Variants in LAMA2 observed in about 807,000 individuals in gnomAD.
LAMA2 encodes laminin subunit alpha-2.
LAMA2 carries 269 observed loss-of-function variants against 364.8 expected under a neutral mutation model. The observed-to-expected ratio is 0.74, with a 90% confidence interval of 0.67 to 0.82. The LOEUF (loss-of-function observed/expected upper bound fraction) is 0.82, where lower values mean the gene tolerates loss of function less well. Among genes scored for constraint, LAMA2 ranks in the 40% least tolerant of loss-of-function variants. The probability of loss-of-function intolerance (pLI) is 0.00; values close to 1 mark genes in which losing one functional copy is unlikely to be tolerated. For missense variants in LAMA2, 3,807 were observed against 3,873.2 expected (o/e 0.98, Z 0.45); for synonymous variants, 1,379 against 1,370.6 (o/e 1.01, Z -0.14).
intron 37 of LAMA2, among the ~76,000 whole-genome samples, chr6:129,400,643 A>G (rs915654164): frequency 1.3e-5 from 2 of 152,220 alleles, no homozygotes; most frequent in African/African-American, 4.8e-5. Flanking sequence ...GCCAGGATTG[A>G]GTTTCATGTA....
chr6:128,902,825 G>T (rs1399175043), intron 1 of LAMA2, among the ~76,000 whole-genome samples: 1 of 152,042 alleles, frequency 6.6e-6, no homozygotes, highest in Non-Finnish European at 1.5e-5. Context: ...AACACCCAAT[G>T]TTTTCTTGAT....
chr6:128,920,522 C>T (rs1480307345), intron 1 of LAMA2, among the ~76,000 whole-genome samples: 3 of 152,114 alleles, frequency 2.0e-5, no homozygotes, highest in African/African-American at 4.8e-5. Context: ...TTGAATTTTC[C>T]TATTTCTGTA....
intron 30 of LAMA2, among the ~76,000 whole-genome samples, chr6:129,343,878 A>T (rs73776958): frequency 0.012 from 1,790 of 152,276 alleles, 28 homozygotes; most frequent in African/African-American, 0.041. Context: ...TAATTTCAGG[A>T]TTTTCACTGG....
intron 4 of LAMA2, among the ~76,000 whole-genome samples, chr6:129,113,259 T>C (rs1050706671): frequency 2.0e-5 from 3 of 152,062 alleles, no homozygotes; most frequent in African/African-American, 7.2e-5. Flanking sequence ...TTTTTGTAAA[T>C]CTTTCCATTG....
At chr6:129,038,030 T>G (rs1379183127) in intron 1 of LAMA2, among the ~76,000 whole-genome samples, 1 of 152,184 alleles carries the variant, frequency 6.6e-6, no homozygotes, top group African/African-American at 2.4e-5. Context: ...GTGAGCTAGA[T>G]AGAGGTCATT....
At chr6:128,964,211 G>A (rs944252478) in intron 1 of LAMA2, among the ~76,000 whole-genome samples, 1 of 152,096 alleles carries the variant, frequency 6.6e-6, no homozygotes, top group South Asian at 2.1e-4. Flanking sequence ...AAAAAAATCT[G>A]CATTTTATGT....
intron 12 of LAMA2, among the ~76,000 whole-genome samples, chr6:129,240,967 G>C (rs1785358815): frequency 6.6e-6 from 1 of 152,090 alleles, no homozygotes; most frequent in Admixed American, 6.5e-5. Context: ...ATGCATTTGT[G>C]GTTCACCAGT....
intron 41 of LAMA2, among the ~76,000 whole-genome samples, chr6:129,431,469 C>A (rs1481507377): frequency 6.6e-6 from 1 of 151,612 alleles, no homozygotes; most frequent in African/African-American, 2.4e-5. Context: ...GACCTATTCC[C>A]TGGAGATCTA....
intron 56 of LAMA2, chr6:129,490,559 T>A (rs969392649): frequency 5.3e-5 from 8 of 152,180 alleles, no homozygotes; most frequent in African/African-American, 1.9e-4. Flanking sequence ...GCTTATATCC[T>A]TCATTAAAAC....
At chr6:129,008,786 G>T (rs921830538) in intron 1 of LAMA2, among the ~76,000 whole-genome samples, 2 of 152,156 alleles carry the variant, frequency 1.3e-5, no homozygotes, top group African/African-American at 4.8e-5. Context: ...ACTTTGGCAG[G>T]ACGAGAGATT....
chr6:129,213,555 T>G (rs1783235508), intron 12 of LAMA2, among the ~76,000 whole-genome samples: 2 of 152,232 alleles, frequency 1.3e-5, no homozygotes, highest in Admixed American at 1.3e-4. Flanking sequence ...GTCAATGTTT[T>G]AGACATCAGC....
At chr6:129,365,160 AAT>A (rs1334464376) in intron 32 of LAMA2, among the ~76,000 whole-genome samples, 1 of 152,148 alleles carries the variant, frequency 6.6e-6, no homozygotes, top group Non-Finnish European at 1.5e-5. Flanking sequence ...CTACTTAAAG[AAT>A]ATAGTTTTTC....
In LAMA2 at chr6:129,402,496, T is replaced by C; in HGVS notation, c.5726+9T>C. ...TCTGCTGTCCTTGATGGGTATGTCATTTGTTTTTGGAAATGTTTGTGTATT... is the reference window on the plus strand; with the variant it reads ...TCTGCTGTCCTTGATGGGTATGTCACTTGTTTTTGGAAATGTTTGTGTATT... On this transcript the variant is annotated intron_variant, in intron 39 of 64. Transcript: ENST00000421865. 1 of 1,613,904 alleles carries C rather than the reference T, an allele frequency of 6.2e-7. No homozygotes were observed. The highest frequency in any genetic ancestry group is 8.5e-7 in the Non-Finnish European group (1 of 1,179,782).
intron 1 of LAMA2, among the ~76,000 whole-genome samples, chr6:128,892,489 TTATAA>T (rs1208066471): frequency 2.0e-5 from 3 of 152,122 alleles, no homozygotes; most frequent in East Asian, 3.9e-4. Context: ...TCTTTAATAC[TTATAA>T]TATGTTTAGA....
At chr6:128,943,756 A>C (rs1183498198) in intron 1 of LAMA2, among the ~76,000 whole-genome samples, 2 of 152,232 alleles carry the variant, frequency 1.3e-5, no homozygotes, top group Non-Finnish European at 2.9e-5. Context: ...ATTATTTGGC[A>C]CAGATGAAGA....
chr6:129,044,847 C>T (rs930045453), intron 1 of LAMA2, among the ~76,000 whole-genome samples: 1 of 152,006 alleles, frequency 6.6e-6, no homozygotes, highest in Non-Finnish European at 1.5e-5. Flanking sequence ...GGTTCATCAG[C>T]TATTTATAGT....
At chr6:129,298,039 A>T (rs1454417368) in intron 21 of LAMA2, among the ~76,000 whole-genome samples, 174 bp downstream of exon 21, 1 of 36,760 alleles carries the variant, frequency 2.7e-5, no homozygotes, top group Non-Finnish European at 4.7e-5. Context: ...TCAGTTTGAA[A>T]CACTGCCTTA....
At chr6:129,429,348 G>A (rs1781479886) in intron 41 of LAMA2, among the ~76,000 whole-genome samples, 1 of 152,120 alleles carries the variant, frequency 6.6e-6, no homozygotes, top group African/African-American at 2.4e-5. Context: ...TGCTAACTGT[G>A]TATTTCTAGT....
At chr6:129,173,049 C>T (rs561739334) in intron 9 of LAMA2, among the ~76,000 whole-genome samples, 3 of 152,322 alleles carry the variant, frequency 2.0e-5, no homozygotes, top group African/African-American at 4.8e-5. Flanking sequence ...GGTGCGCGCA[C>T]CCACTGACCT....
Sources: allele counts gnomAD v4.1 joint callset (sites outside exome capture counted in the v4.1 genomes callset), GRCh38; gene constraint gnomAD v4.1.1; transcripts MANE v1.5; gene names NCBI Gene and HGNC (gene_info 2026-07-23, HGNC 2026-07-21).